FHIT: variants seen among roughly 807,000 people sequenced by gnomAD.
FHIT encodes fragile histidine triad diadenosine triphosphatase, also known as bis(5'-adenosyl)-triphosphatase.
In FHIT, 19 loss-of-function variants were observed where a neutral mutation model predicts 17.9. The observed-to-expected ratio is 1.06, with a 90% confidence interval of 0.74 to 1.56. FHIT has a LOEUF of 1.56. Among genes scored for constraint, FHIT ranks in the 40% most tolerant of loss-of-function variants. The pLI is 0.00. For synonymous variants in FHIT, 81 were observed against 69.7 expected (o/e 1.16, Z -0.81); for missense variants, 248 against 189.2 (o/e 1.31, Z -1.82).
intron 5 of FHIT, among the ~76,000 whole-genome samples, chr3:60,439,112 G>T (rs2030559745): frequency 6.6e-6 from 1 of 152,058 alleles, no homozygotes; most frequent in Non-Finnish European, 1.5e-5. Flanking sequence ...AAGCCCAGAA[G>T]AACTGTGCCT....
intron 5 of FHIT, among the ~76,000 whole-genome samples, chr3:60,429,957 T>A (rs995325859): frequency 1.3e-5 from 2 of 151,998 alleles, no homozygotes; most frequent in Middle Eastern, 3.4e-3. Context: ...GTGACTCGCA[T>A]GAAAAGGCAA....
chr3:61,208,932 C>A (rs1233783314), intron 1 of FHIT, among the ~76,000 whole-genome samples: 3 of 152,024 alleles, frequency 2.0e-5, no homozygotes, highest in African/African-American at 7.2e-5. Flanking sequence ...TAAAATTTGG[C>A]ATGTTTTTGC....
At chr3:61,030,187 C>G (rs531915629) in intron 3 of FHIT, among the ~76,000 whole-genome samples, 1 of 152,290 alleles carries the variant, frequency 6.6e-6, no homozygotes, top group Admixed American at 6.5e-5. Context: ...CTAGGCTGGT[C>G]TTGAACTCCT....
chr3:60,100,355 T>C (rs1185651806), intron 5 of FHIT, among the ~76,000 whole-genome samples: 1 of 151,932 alleles, frequency 6.6e-6, no homozygotes, highest in Non-Finnish European at 1.5e-5. Flanking sequence ...CTGTACTCCA[T>C]CCTGGGCAAC....
intron 5 of FHIT, among the ~76,000 whole-genome samples, chr3:60,474,626 ATTTT>A (rs111518978): frequency 2.1e-5 from 3 of 145,700 alleles, no homozygotes; most frequent in Admixed American, 6.9e-5. Context: ...ACACAATACA[ATTTT>A]TTTTTTTTTT....
rs188495256 is a variant in FHIT, at chr3:59,854,378, T to C, written c.348+67968A>G. ...AGCTCGGTATTGTGCTTACGTCGCA[T>C]GTGCAAAAAAACAGGGACAGGAAGG... On this transcript the variant is annotated intron_variant, in intron 8 of 9. Transcript: ENST00000492590. Among the ~76,000 whole-genome samples, 835 of 152,278 alleles carry C rather than the reference T, an allele frequency of 5.5e-3. 9 individuals carry two copies. Among genetic ancestry groups the C allele is most frequent in the Non-Finnish European group, 7.2e-3 (487 of 68,016 alleles).
In FHIT at chr3:60,393,822, C is replaced by T. The variant is rs187810170; in HGVS notation, c.103+143038G>A. 8.9e-3 allele frequency among the ~76,000 whole-genome samples: 1,356 copies of T among 152,192 alleles called. 12 individuals carry two copies. The highest frequency in any genetic ancestry group is 0.017 in the Admixed American group (255 of 15,278). ...ATTGCATGGTACTAAATAATAATGC[C>T]ACCTATGCCAGGCTTGGATTCTCTT... On this transcript the variant is annotated intron_variant, in intron 5 of 9. Transcript: ENST00000492590.
intron 7 of FHIT, among the ~76,000 whole-genome samples, chr3:59,946,590 T>G (rs551907856): frequency 6.6e-6 from 1 of 152,338 alleles, no homozygotes; most frequent in South Asian, 2.1e-4. Flanking sequence ...CATCCTTGTT[T>G]TATTACAGTT....
chr3:61,053,862 C>G (rs868378592), intron 2 of FHIT, among the ~76,000 whole-genome samples: 3 of 152,196 alleles, frequency 2.0e-5, no homozygotes, highest in African/African-American at 7.2e-5. Flanking sequence ...CGAACCCAAT[C>G]TAAAGGAAAC....
At chr3:60,202,915 T>C (rs984599286) in intron 5 of FHIT, among the ~76,000 whole-genome samples, 2 of 152,154 alleles carry the variant, frequency 1.3e-5, no homozygotes, top group Non-Finnish European at 2.9e-5. Flanking sequence ...CCCTACTTTG[T>C]CTATGACCTC....
chr3:60,001,168 A>G (rs986459634), intron 7 of FHIT, among the ~76,000 whole-genome samples: 1 of 152,200 alleles, frequency 6.6e-6, no homozygotes, highest in Non-Finnish European at 1.5e-5. Flanking sequence ...CCTTTCACAT[A>G]AGGGGAAGAA....
chr3:60,080,765 C>G (rs1371806054), intron 5 of FHIT: 2 of 152,084 alleles, frequency 1.3e-5, no homozygotes, highest in African/African-American at 4.8e-5. Context: ...AGCACCACAG[C>G]TCAGGAGGGC....
chr3:60,438,439 G>C (rs755862875), intron 5 of FHIT, among the ~76,000 whole-genome samples: 1 of 151,750 alleles, frequency 6.6e-6, no homozygotes, highest in African/African-American at 2.4e-5. Flanking sequence ...GCCAGTCTTT[G>C]CTGTCTCATC....
At chr3:59,875,284 G>A (rs555834087) in intron 8 of FHIT, among the ~76,000 whole-genome samples, 1 of 152,300 alleles carries the variant, frequency 6.6e-6, no homozygotes, top group South Asian at 2.1e-4. Flanking sequence ...TGAGGCGACT[G>A]CCAGAGGTGC....
intron 5 of FHIT, among the ~76,000 whole-genome samples, chr3:60,394,530 G>A (rs1701357843): frequency 6.6e-6 from 1 of 152,158 alleles, no homozygotes; most frequent in African/African-American, 2.4e-5. Flanking sequence ...TGAAGCGGCA[G>A]TGGAGAGCCA....
intron 2 of FHIT, among the ~76,000 whole-genome samples, chr3:61,154,946 A>G (rs538923258): frequency 4.6e-5 from 7 of 152,270 alleles, no homozygotes; most frequent in Admixed American, 1.3e-4. Flanking sequence ...CACCCCCTCA[A>G]AGGGAGGACC....
intron 7 of FHIT, among the ~76,000 whole-genome samples, chr3:59,992,578 G>A (rs1233934669): frequency 1.3e-5 from 2 of 151,892 alleles, no homozygotes; most frequent in African/African-American, 4.8e-5. Flanking sequence ...CAAAACATAA[G>A]GCAAAAACTA....
chr3:59,906,950 G>A (rs1704611385), intron 8 of FHIT, among the ~76,000 whole-genome samples: 1 of 152,204 alleles, frequency 6.6e-6, no homozygotes, highest in African/African-American at 2.4e-5. Context: ...TGACCTCCAC[G>A]TGGAAATCAA....
At chr3:60,377,957 G>C (rs1216911031) in intron 5 of FHIT, among the ~76,000 whole-genome samples, 4 of 152,164 alleles carry the variant, frequency 2.6e-5, no homozygotes, top group Non-Finnish European at 5.9e-5. Context: ...GTTTAAATAT[G>C]TTAGACGAAA....
Sources: gnomAD v4.1 joint callset for allele counts (sites outside exome capture counted in the v4.1 genomes callset) on GRCh38, gnomAD v4.1.1 for gene constraint, MANE v1.5 for transcripts, NCBI Gene and HGNC (gene_info 2026-07-23, HGNC 2026-07-21) for gene names.